EYS: variants seen among roughly 807,000 people sequenced by gnomAD.
EYS encodes the protein EGF-like photoreceptor maintenance factor.
A neutral mutation model predicts 282.1 loss-of-function variants in EYS; 250 were observed. The ratio of observed to expected loss-of-function variants is 0.89; its 90% CI spans 0.80 to 0.98. The LOEUF is 0.98. Ranked by LOEUF, EYS falls within the 50% of genes least tolerant of loss-of-function variation. The pLI, the probability that EYS is intolerant of heterozygous loss-of-function variation, is 0.00. For synonymous variants in EYS, 1,355 were observed against 1,282.9 expected (o/e 1.06, Z -1.20); for missense variants, 4,016 against 3,709.0 (o/e 1.08, Z -2.15).
At chr6:63,971,321 C>T (rs1245521896) in intron 35 of EYS, among the ~76,000 whole-genome samples, 1 of 152,142 alleles carries the variant, frequency 6.6e-6, no homozygotes, top group Non-Finnish European at 1.5e-5. Context: ...TTCCAGTAGC[C>T]TTCTATATGC....
chr6:64,985,233 T>C (rs1344602221), intron 14 of EYS, among the ~76,000 whole-genome samples: 2 of 151,630 alleles, frequency 1.3e-5, no homozygotes, highest in South Asian at 4.1e-4. Context: ...CCTATACAAA[T>C]GTTATGACTT....
chr6:63,896,552 A>G (rs1773542163), intron 35 of EYS, among the ~76,000 whole-genome samples: 1 of 152,208 alleles, frequency 6.6e-6, no homozygotes, highest in African/African-American at 2.4e-5. Context: ...ATGAGGCTAC[A>G]CTGACACATT....
chr6:65,663,866 C>CTTTTT (rs66999581), intron 1 of EYS, among the ~76,000 whole-genome samples: 119 of 75,840 alleles, frequency 1.6e-3, no homozygotes, highest in East Asian at 7.1e-3. Context: ...TTTTTCTTTT[C>CTTTTT]TTTTTTTTTT....
chr6:65,228,755 C>T (rs941144429), intron 12 of EYS, among the ~76,000 whole-genome samples: 4 of 151,984 alleles, frequency 2.6e-5, no homozygotes, highest in African/African-American at 4.8e-5. Context: ...TCTCTGACTT[C>T]GAGACTTGTT....
At chr6:65,033,354 G>A (rs1414619659) in intron 13 of EYS, among the ~76,000 whole-genome samples, 1 of 152,176 alleles carries the variant, frequency 6.6e-6, no homozygotes, top group Non-Finnish European at 1.5e-5. Context: ...AAGGAGCCAA[G>A]TGCCAATAGC....
At chr6:64,221,650 CA>C (rs1213442213) in intron 31 of EYS, among the ~76,000 whole-genome samples, 1 of 152,038 alleles carries the variant, frequency 6.6e-6, no homozygotes, top group African/African-American at 2.4e-5. Context: ...AAATGCCATC[CA>C]AAAATATTAA....
chr6:64,676,813 G>A (rs888831428), intron 22 of EYS, among the ~76,000 whole-genome samples: 7 of 152,058 alleles, frequency 4.6e-5, no homozygotes, highest in African/African-American at 1.7e-4. Flanking sequence ...GCTCTCTCTG[G>A]TCTTTCATAG....
chr6:64,911,939 G>A (rs949027457), intron 16 of EYS, among the ~76,000 whole-genome samples: 2 of 152,214 alleles, frequency 1.3e-5, no homozygotes, highest in South Asian at 2.1e-4. Flanking sequence ...CTTCAGATAC[G>A]GCTGGATCCA....
At chr6:65,504,684 T>C (rs1186474831) in intron 2 of EYS, among the ~76,000 whole-genome samples, 3 of 151,570 alleles carry the variant, frequency 2.0e-5, no homozygotes, top group Non-Finnish European at 4.4e-5. Flanking sequence ...AGTATCGATA[T>C]GGTAGATTAC....
intron 24 of EYS, among the ~76,000 whole-genome samples, chr6:64,616,884 G>A (rs1767290045): frequency 6.6e-6 from 1 of 151,902 alleles, no homozygotes; most frequent in African/African-American, 2.4e-5. Flanking sequence ...ATGGGCTGCG[G>A]TCAGTTTTAA....
chr6:64,868,935 T>C (rs1766507104), intron 19 of EYS, among the ~76,000 whole-genome samples: 1 of 151,510 alleles, frequency 6.6e-6, no homozygotes, highest in African/African-American at 2.4e-5. Context: ...CAGTAAATAA[T>C]AATATTTCAC....
intron 26 of EYS, among the ~76,000 whole-genome samples, chr6:64,450,328 C>A (rs531506464): frequency 6.6e-6 from 1 of 152,140 alleles, no homozygotes; most frequent in African/African-American, 2.4e-5. Flanking sequence ...TATATATGCA[C>A]CCAATACAGG....
Position 64,912,585 on chromosome 6 carries a change from T to C in EYS, c.2540A>G (p.His847Arg), listed in dbSNP as rs1460353199. Residue 847 changes from histidine (H) to arginine (R), a missense_variant, in exon 16 of 43, where the codon CAC (histidine) becomes CGC (arginine). Coordinates refer to ENST00000503581, the MANE Select transcript of EYS (RefSeq NM_001142800.2). ...TAGGTCACAAAGGTTATAGCGTTGGTGGCAAAATTGTCCAGTATAAAGGGG... is the reference window on the plus strand; with the variant it reads ...TAGGTCACAAAGGTTATAGCGTTGGCGGCAAAATTGTCCAGTATAAAGGGG... Reference protein sequence around the residue: ...CPPLYTGQFCHQRYNLCDLLH... With the variant: ...CPPLYTGQFCRQRYNLCDLLH... 7 of 1,551,332 alleles carry C rather than the reference T, an allele frequency of 4.5e-6. No individual in the cohort carries two copies. The highest frequency in any genetic ancestry group is 6.1e-6 in the Non-Finnish European group (7 of 1,146,720).
chr6:65,546,931 C>T (rs1381664179), intron 2 of EYS, among the ~76,000 whole-genome samples: 4 of 152,062 alleles, frequency 2.6e-5, no homozygotes, highest in East Asian at 1.9e-4. Flanking sequence ...CAGCATTTGC[C>T]GTTAAGTTTT....
chr6:65,065,867 T>G (rs1773729812), intron 12 of EYS, among the ~76,000 whole-genome samples: 2 of 152,186 alleles, frequency 1.3e-5, no homozygotes, highest in Non-Finnish European at 2.9e-5. Context: ...ACTTACTACC[T>G]TATGGTTTTC....
intron 8 of EYS, among the ~76,000 whole-genome samples, chr6:65,365,120 T>C (rs748703223): frequency 6.6e-6 from 1 of 151,708 alleles, no homozygotes; most frequent in Non-Finnish European, 1.5e-5. Context: ...CTAGGGAAAC[T>C]TGGTAACCAA....
chr6:65,125,051 C>G (rs191571436), intron 12 of EYS, among the ~76,000 whole-genome samples: 1 of 152,258 alleles, frequency 6.6e-6, no homozygotes, highest in Admixed American at 6.5e-5. Context: ...ACACTTTGAA[C>G]AACTAGGAAG....
chr6:64,588,560 C>T (rs1014897075), intron 26 of EYS, among the ~76,000 whole-genome samples: 17 of 152,064 alleles, frequency 1.1e-4, no homozygotes, highest in African/African-American at 4.1e-4. Flanking sequence ...CTTCTGTAAC[C>T]TAGAAGCTTT....
rs575288073 is a variant in EYS, at chr6:63,877,910, C to T, written c.7056-13552G>A. On this transcript the variant is annotated intron_variant, in intron 35 of 42. Transcript: ENST00000503581. ...GTTTTTAGCTTCTTTGCAATGGGTT[C>T]GAACATCCTCCTTTAGCTCAGAGAA... Among the ~76,000 whole-genome samples, 11 of 152,272 alleles carry T rather than the reference C, an allele frequency of 7.2e-5. No individual in the cohort carries two copies. The East Asian group carries it at 7.7e-4, about 11-fold the overall frequency.
Sources: allele counts gnomAD v4.1 joint callset (sites outside exome capture counted in the v4.1 genomes callset), GRCh38; gene constraint gnomAD v4.1.1; transcripts MANE v1.5; gene names NCBI Gene and HGNC (gene_info 2026-07-23, HGNC 2026-07-21).